ANKRD26: variants seen among roughly 807,000 people sequenced by gnomAD.
The protein encoded by ANKRD26 is ankyrin repeat domain 26.
A neutral mutation model predicts 208.7 loss-of-function variants in ANKRD26; 141 were observed. The observed-to-expected ratio is 0.68, with a 90% CI of 0.59 to 0.78. The LOEUF is 0.78. ANKRD26 is among the 30% of genes least tolerant of loss of function. The probability of loss-of-function intolerance (pLI) is 0.00; values close to 1 mark genes in which losing one functional copy is unlikely to be tolerated. For synonymous variants in ANKRD26, 636 were observed against 660.4 expected, an observed-to-expected ratio of 0.96 and a Z score of 0.57; for missense variants, 1,889 against 1,938.7, an observed-to-expected ratio of 0.97 and a Z score of 0.48.
At chr10:27,067,321 C>T in intron 9 of ANKRD26, 35 bp from the exon 10 acceptor site, 1 of 1,604,788 alleles carries the variant, frequency 6.2e-7, no homozygotes, top group East Asian at 2.2e-5. Context: ...CAAAAAACTT[C>T]AGAAAACACT....
At chr10:26,993,807 T>C (rs900192814) in intron 5 of ANKRD26, among the ~76,000 whole-genome samples, 28 of 152,272 alleles carry the variant, frequency 1.8e-4, no homozygotes, top group Non-Finnish European at 2.6e-4. Context: ...GCTGGAGCCA[T>C]TGGAAAGAGG....
chr10:27,070,327 G>T (rs1461357230), intron 9 of ANKRD26, among the ~76,000 whole-genome samples: 2 of 150,848 alleles, frequency 1.3e-5, no homozygotes, highest in Admixed American at 1.3e-4. Flanking sequence ...TTGAACCCAG[G>T]AAGCAGAGGT....
chr10:27,017,536 G>A lies in ANKRD26; in HGVS notation c.4472C>T (p.Ala1491Val), dbSNP rs2053337101. Reference protein sequence around the residue: ...EIEERARQEIAEKLKEVNLFL... With the variant: ...EIEERARQEIVEKLKEVNLFL... ...TAGATTGACTTCTTTTAATTTTTCTGCTATTTCCTGTCTTGCTCTTTCTTC... is the reference window on the plus strand; with the variant it reads ...TAGATTGACTTCTTTTAATTTTTCTACTATTTCCTGTCTTGCTCTTTCTTC... Residue 1491 changes from alanine (A) to valine (V), a missense_variant, in exon 30 of 34, where the codon GCA (alanine) becomes GTA (valine). Transcript: ENST00000376087. The A allele has an allele frequency of 6.2e-7, 1 of 1,613,450 alleles. No individual in the cohort carries two copies. The highest frequency in any genetic ancestry group is 1.3e-5 in the African/African-American group (1 of 74,906).
chr10:27,030,192 C>G (rs938056220), intron 25 of ANKRD26, among the ~76,000 whole-genome samples: 1 of 152,200 alleles, frequency 6.6e-6, no homozygotes, highest in Non-Finnish European at 1.5e-5. Flanking sequence ...TGCACTGAAT[C>G]ATTCTTCACA....
At chr10:27,038,174 T>G in intron 21 of ANKRD26, 120 bp from the exon 22 acceptor site, 1 of 846,956 alleles carries the variant, frequency 1.2e-6, no homozygotes. Flanking sequence ...TTCTTGAATA[T>G]TTTTCCTTTC....
chr10:27,052,400 G>A (rs1193923176), intron 16 of ANKRD26, among the ~76,000 whole-genome samples: 1 of 151,998 alleles, frequency 6.6e-6, no homozygotes, highest in African/African-American at 2.4e-5. Context: ...GCATTATAAA[G>A]GCATCCTCAT....
chr10:27,015,314 T>C (rs563347087), intron 30 of ANKRD26, among the ~76,000 whole-genome samples: 4 of 152,324 alleles, frequency 2.6e-5, no homozygotes, highest in South Asian at 4.1e-4. Context: ...GCCCAAGGTG[T>C]TGGATCTCTT....
chr10:27,030,427 C>T (rs1190577666), intron 25 of ANKRD26: 1 of 985,286 alleles, frequency 1.0e-6, no homozygotes, highest in Non-Finnish European at 1.2e-6. Context: ...AAACACTGGA[C>T]TCTGCTGCGA....
At chr10:27,096,117 C>T (rs2056457848) in intron 1 of ANKRD26, among the ~76,000 whole-genome samples, 1 of 152,234 alleles carries the variant, frequency 6.6e-6, no homozygotes, top group Non-Finnish European at 1.5e-5. Context: ...ACCAGAACTT[C>T]TCTCAGGCTT....
downstream of ANKRD26, among the ~76,000 whole-genome samples, chr10:26,972,076 A>T (rs560369756): frequency 3.0e-4 from 46 of 152,110 alleles, no homozygotes; most frequent in African/African-American, 1.1e-3. Context: ...TCTACTAAAA[A>T]TACAAAAAAT....
chr10:26,947,599 T>G, the ANKRD26 span, among the ~76,000 whole-genome samples: 1 of 152,210 alleles, frequency 6.6e-6, no homozygotes, highest in Admixed American at 6.5e-5. Flanking sequence ...CAATCTTTGA[T>G]TTATTGTTGA....
chr10:26,995,007 A>G, intron 5 of ANKRD26: 2 of 469,082 alleles, frequency 4.3e-6, no homozygotes, highest in South Asian at 1.6e-5. Flanking sequence ...TAACATTTCC[A>G]TGCTCCCCTC....
chr10:27,093,976 C>T (rs1460776313), intron 1 of ANKRD26, among the ~76,000 whole-genome samples, 177 bp from the exon 2 acceptor site: 3 of 152,178 alleles, frequency 2.0e-5, no homozygotes, highest in Admixed American at 1.3e-4. Context: ...ATGATCCCTA[C>T]GTGTGGTGAG....
At chr10:27,048,003 A>C (rs1238676621) in intron 17 of ANKRD26, among the ~76,000 whole-genome samples, 1 of 152,034 alleles carries the variant, frequency 6.6e-6, no homozygotes. Flanking sequence ...CGGCCTCCCA[A>C]AGTGCTGGGA....
At chr10:27,032,126 T>C (rs1190789326) in intron 25 of ANKRD26, among the ~76,000 whole-genome samples, 1 of 152,250 alleles carries the variant, frequency 6.6e-6, no homozygotes, top group Non-Finnish European at 1.5e-5. Flanking sequence ...AGGAATGATG[T>C]ATAATTCTCA....
downstream of ANKRD26, among the ~76,000 whole-genome samples, chr10:26,973,346 T>C (rs1330711147): frequency 6.6e-6 from 1 of 152,174 alleles, no homozygotes; most frequent in Non-Finnish European, 1.5e-5. Flanking sequence ...GCAATCATTG[T>C]AGTTACCTAC....
chr10:26,949,984 G>A, the ANKRD26 span, among the ~76,000 whole-genome samples: 1 of 152,082 alleles, frequency 6.6e-6, no homozygotes, highest in Non-Finnish European at 1.5e-5. Context: ...TATTTATCCT[G>A]TGGTATTTCA....
intron 5 of ANKRD26, among the ~76,000 whole-genome samples, chr10:26,979,595 T>A (rs1271563567): frequency 6.6e-6 from 1 of 152,220 alleles, no homozygotes; most frequent in African/African-American, 2.4e-5. Context: ...GCAGGTGGGA[T>A]TTATGACAGA....
intron 5 of ANKRD26, among the ~76,000 whole-genome samples, chr10:27,083,335 C>A (rs557227679): frequency 6.6e-6 from 1 of 151,630 alleles, no homozygotes; most frequent in Non-Finnish European, 1.5e-5. Flanking sequence ...GAAAAAAAAC[C>A]CATGCACTCT....
Sources: gnomAD v4.1 joint callset for allele counts (sites outside exome capture counted in the v4.1 genomes callset) on GRCh38, gnomAD v4.1.1 for gene constraint, MANE v1.5 for transcripts, NCBI Gene and HGNC (gene_info 2026-07-23, HGNC 2026-07-21) for gene names.